ARSB: variants seen among roughly 807,000 people sequenced by gnomAD.
The protein encoded by ARSB is N-acetylgalactosamine-4-sulfatase.
A neutral mutation model predicts 50.9 loss-of-function variants in ARSB; 41 were observed. That is an observed-to-expected ratio of 0.81 (90% CI 0.63 to 1.04). The LOEUF is 1.04. Ranked by LOEUF, ARSB falls within the 50% of genes least tolerant of loss-of-function variation. The probability of loss-of-function intolerance (pLI) is 0.00; values close to 1 mark genes in which losing one functional copy is unlikely to be tolerated. For missense variants in ARSB, 672 were observed against 693.3 expected (o/e 0.97, Z 0.35); for synonymous variants, 269 against 284.8 (o/e 0.94, Z 0.56).
intron 4 of ARSB, among the ~76,000 whole-genome samples, chr5:78,954,612 C>A (rs1450611380): frequency 9.9e-5 from 15 of 152,144 alleles, no homozygotes; most frequent in Admixed American, 9.8e-4. Context: ...TCAAGCAGTT[C>A]TCCTGTCTCA....
At chr5:78,977,247 G>A (rs1282596814) in intron 1 of ARSB, among the ~76,000 whole-genome samples, 6 of 151,486 alleles carry the variant, frequency 4.0e-5, no homozygotes, top group South Asian at 2.1e-4. Context: ...TCCGTCTCCC[G>A]GGTTCAAGCA....
At chr5:78,943,012 T>C (rs568696306) in intron 4 of ARSB, among the ~76,000 whole-genome samples, 10 of 152,370 alleles carry the variant, frequency 6.6e-5, no homozygotes, top group African/African-American at 2.4e-4. Context: ...TCTTGTTGAA[T>C]TGATCCCTTT....
intron 1 of ARSB, among the ~76,000 whole-genome samples, chr5:78,980,900 C>T (rs1179843710): frequency 6.6e-6 from 1 of 151,854 alleles, no homozygotes; most frequent in East Asian, 1.9e-4. Flanking sequence ...TGTGGGAAGG[C>T]CCCTAGCCTG....
chr5:78,872,831 A>AAG (rs1747287028), intron 5 of ARSB, among the ~76,000 whole-genome samples: 1 of 115,802 alleles, frequency 8.6e-6, no homozygotes. Context: ...AAAAAAAAAA[A>AAG]AAGAAAGGGG....
At chr5:78,833,170 T>C (rs1581015838) in intron 6 of ARSB, among the ~76,000 whole-genome samples, 3 of 152,250 alleles carry the variant, frequency 2.0e-5, no homozygotes, top group South Asian at 4.1e-4. Flanking sequence ...CTTGGAACCA[T>C]GTAGAGCTGA....
chr5:78,893,793 CCT>C (rs1361409354), intron 4 of ARSB, among the ~76,000 whole-genome samples: 3 of 152,152 alleles, frequency 2.0e-5, no homozygotes, highest in African/African-American at 4.8e-5. Context: ...TCAGAATCCC[CCT>C]GACAAGTAGC....
intron 4 of ARSB, among the ~76,000 whole-genome samples, chr5:78,938,605 T>C (rs1280661264): frequency 6.6e-6 from 1 of 152,238 alleles, no homozygotes; most frequent in African/African-American, 2.4e-5. Flanking sequence ...TATAACTTTG[T>C]TCCTGGCACA....
intron 4 of ARSB, among the ~76,000 whole-genome samples, chr5:78,892,291 T>C (rs1748344521): frequency 7.0e-6 from 1 of 143,198 alleles, no homozygotes; most frequent in South Asian, 2.3e-4. Context: ...TGTCTCACTC[T>C]GTCTCCCAGG....
In ARSB at chr5:78,918,366, T is replaced by C. The variant is rs137898101; in HGVS notation, c.899-32539A>G. The stretch of plus-strand genomic sequence containing the variant: ...TTTTAATTCAGTTCATTGCAGACTG[T>C]ATCAAATTTTATTTCAAGGGACTTT... On this transcript the variant is annotated intron_variant, in intron 4 of 7. Coordinates refer to ENST00000264914, the MANE Select transcript of ARSB (RefSeq NM_000046.5). 2.7e-3 allele frequency among the ~76,000 whole-genome samples: 410 copies of C among 152,318 alleles called. 1 individual carries two copies. The highest frequency in any genetic ancestry group is 9.1e-3 in the African/African-American group (380 of 41,570).
In ARSB at chr5:78,885,628, A is replaced by G; in HGVS notation, c.1098T>C (p.Asn366=). ...TLVKLARGHT[N]GTKPLDGFDV... ...CGAAGCCATCCAGAGGCTTTGTGCC[A>G]TTGGTGTGTCCCCTGGCCAGCTTCA... Residue 366 remains asparagine (N), a synonymous_variant, in exon 5 of 8, where the codon AAT becomes AAC. Coordinates refer to ENST00000264914, the MANE Select transcript of ARSB (RefSeq NM_000046.5). 1 of 1,614,108 alleles carries G rather than the reference A, an allele frequency of 6.2e-7. No homozygotes were observed. Among genetic ancestry groups the G allele is most frequent in the African/African-American group, 1.3e-5 (1 of 75,008 alleles).
intron 5 of ARSB, among the ~76,000 whole-genome samples, chr5:78,860,110 G>T (rs907332653): frequency 4.6e-5 from 7 of 152,178 alleles, no homozygotes; most frequent in Admixed American, 1.3e-4. Context: ...TTGATTTGGG[G>T]TGCAGAGTTC....
chr5:78,982,811 TAA>T (rs1187971711), intron 1 of ARSB, among the ~76,000 whole-genome samples: 1 of 152,140 alleles, frequency 6.6e-6, no homozygotes, highest in Non-Finnish European at 1.5e-5. Context: ...TCATGAACTC[TAA>T]GAGAATAAAG....
At chr5:78,867,656 A>G (rs544684181) in intron 5 of ARSB, among the ~76,000 whole-genome samples, 1 of 152,332 alleles carries the variant, frequency 6.6e-6, no homozygotes, top group African/African-American at 2.4e-5. Context: ...CCGAAAACCC[A>G]TCTGTACATC....
chr5:78,780,049 A>G lies in ARSB; in HGVS notation c.*348T>C. The G allele has an allele frequency of 3.1e-6, 1 of 319,048 alleles. No homozygotes were observed. Among genetic ancestry groups the G allele is most frequent in the East Asian group, 7.6e-5 (1 of 13,152 alleles). The allele number at this position is 319,048 out of a possible 1,614,324, so 19.8% of individuals were successfully genotyped here. A position where few individuals can be genotyped will look rare whatever the true frequency, so the allele number is the denominator to read the frequency against. ...TAAAACTGGCTATTGGCAGAGGGGA[A>G]TCGAACGTCTGACTTGTGAGTCTAA... On this transcript the variant is annotated 3_prime_UTR_variant, in exon 8 of 8. Transcript: ENST00000264914.
At chr5:78,826,233 G>T (rs1408213600) in intron 6 of ARSB, among the ~76,000 whole-genome samples, 1 of 152,042 alleles carries the variant, frequency 6.6e-6, no homozygotes, top group Non-Finnish European at 1.5e-5. Flanking sequence ...TTTCAGTAGA[G>T]ATGGGGTTTC....
intron 5 of ARSB, among the ~76,000 whole-genome samples, chr5:78,845,663 G>A (rs1487865126): frequency 6.6e-6 from 1 of 151,980 alleles, no homozygotes; most frequent in Non-Finnish European, 1.5e-5. Flanking sequence ...AAATCTACTA[G>A]CCATTTGTAT....
chr5:78,856,339 C>T (rs1045973459), intron 5 of ARSB, among the ~76,000 whole-genome samples: 5 of 152,182 alleles, frequency 3.3e-5, no homozygotes, highest in African/African-American at 9.7e-5. Context: ...TTTTAGGACA[C>T]TTAGGTAAGA....
chr5:78,840,438 A>G (rs919594393), intron 5 of ARSB, among the ~76,000 whole-genome samples: 1 of 152,192 alleles, frequency 6.6e-6, no homozygotes, highest in Non-Finnish European at 1.5e-5. Context: ...TGGGATTTCA[A>G]TGCCCAATAC....
At chr5:78,858,311 C>T (rs900633563) in intron 5 of ARSB, among the ~76,000 whole-genome samples, 5 of 152,172 alleles carry the variant, frequency 3.3e-5, no homozygotes, top group African/African-American at 1.2e-4. Context: ...ATCATTGTCT[C>T]TGATGATATT....
Sources: gnomAD v4.1 joint callset for allele counts (sites outside exome capture counted in the v4.1 genomes callset) on GRCh38, gnomAD v4.1.1 for gene constraint, MANE v1.5 for transcripts, NCBI Gene and HGNC (gene_info 2026-07-23, HGNC 2026-07-21) for gene names.